Variants in PRDM6 observed in about 807,000 individuals in gnomAD.
The protein encoded by PRDM6 is PR/SET domain 6.
PRDM6 carries 25 observed loss-of-function variants against 60.8 expected under a neutral mutation model. That is an observed-to-expected ratio of 0.41 (90% CI 0.30 to 0.57). The LOEUF (loss-of-function observed/expected upper bound fraction) is 0.57, where lower values mean the gene tolerates loss of function less well. PRDM6 is among the 20% of genes least tolerant of loss of function. The pLI is 0.27. For missense variants in PRDM6, 839 were observed against 821.3 expected (o/e 1.02, Z -0.26); for synonymous variants, 407 against 357.4 (o/e 1.14, Z -1.57).
At chr5:123,173,839 C>T (rs529936248) in intron 6 of PRDM6, among the ~76,000 whole-genome samples, 13 of 152,214 alleles carry the variant, frequency 8.5e-5, no homozygotes, top group African/African-American at 1.9e-4. Flanking sequence ...ATTTCTGTTC[C>T]GGAACCCAGT....
At chr5:123,105,761 T>G (rs563882274) in intron 3 of PRDM6, among the ~76,000 whole-genome samples, 3 of 152,366 alleles carry the variant, frequency 2.0e-5, no homozygotes, top group Admixed American at 6.5e-5. Context: ...CTTGTATATT[T>G]ACACAGGAAA....
In PRDM6 at chr5:123,113,369, C is replaced by T. The variant is rs141147580; in HGVS notation, c.900+13408C>T. On this transcript the variant is annotated intron_variant, in intron 3 of 7. Transcript: ENST00000407847. ...AATTCTCTTTATCTGATTGCAATAA[C>T]GAGAGCTAACATACTTAAGCTGAGA... Among the ~76,000 whole-genome samples the T allele has an allele frequency of 1.6e-3, 246 of 152,222 alleles. 1 individual carries two copies. The highest frequency in any genetic ancestry group is 2.3e-3 in the Non-Finnish European group (158 of 68,012).
intron 2 of PRDM6, among the ~76,000 whole-genome samples, chr5:123,096,852 C>A (rs546008016): frequency 6.3e-4 from 96 of 152,284 alleles, no homozygotes; most frequent in African/African-American, 2.1e-3. Flanking sequence ...TCATGCATTA[C>A]AAATATTAGA....
chr5:123,110,064 G>A (rs1465704759), intron 3 of PRDM6, among the ~76,000 whole-genome samples: 1 of 152,140 alleles, frequency 6.6e-6, no homozygotes, highest in East Asian at 1.9e-4. Context: ...ATGTGTACTT[G>A]TGAATACAGA....
Position 123,191,531 on chromosome 5 carries a change from CTT to C in PRDM6, c.*4332_*4333del, listed in dbSNP as rs2126898750. On this transcript the variant is annotated 3_prime_UTR_variant, in exon 8 of 8. Coordinates refer to ENST00000407847, the MANE Select transcript of PRDM6 (RefSeq NM_001136239.4). ...GAATTTAATTTTTATTTCCCAGAGT[CTT>C]TACTAGATCCTGACATCAGATTTTA... The C allele has an allele frequency of 6.6e-6, 1 of 152,244 alleles. No homozygotes were observed. The highest frequency in any genetic ancestry group is 2.1e-4 in the South Asian group (1 of 4,820). The allele number at this position is 152,244 out of a possible 1,614,324, so 9.4% of individuals were successfully genotyped here. A position where few individuals can be genotyped will look rare whatever the true frequency, so the allele number is the denominator to read the frequency against.
Position 123,089,990 on chromosome 5 carries a change from C to G in PRDM6, c.-15-10C>G. 6.5e-7 allele frequency: 1 copy of G among 1,535,656 alleles called. No homozygotes were observed. Among genetic ancestry groups the G allele is most frequent in the Admixed American group, 2.0e-5 (1 of 50,716 alleles). On this transcript the variant is annotated splice_polypyrimidine_tract_variant and intron_variant, in intron 1 of 7. Transcript: ENST00000407847. ...TCACGCGCCCCCTCTTCCCTGCCCT[C>G]TGCCCCCAGTTCGAGGCGCCGGACA...
intron 4 of PRDM6, among the ~76,000 whole-genome samples, chr5:123,156,942 G>A (rs557926980): frequency 3.3e-5 from 5 of 152,224 alleles, no homozygotes; most frequent in East Asian, 1.9e-4. Context: ...ATAAACAGCC[G>A]TGTTCTCTTT....
At chr5:123,153,192 C>T (rs1267458835) in intron 3 of PRDM6, among the ~76,000 whole-genome samples, 1 of 119,940 alleles carries the variant, frequency 8.3e-6, no homozygotes. Context: ...CATGCAAAAA[C>T]TGAACTACAA....
chr5:123,096,034 C>T (rs972898907), intron 2 of PRDM6, among the ~76,000 whole-genome samples: 64 of 152,202 alleles, frequency 4.2e-4, no homozygotes, highest in African/African-American at 1.5e-3. Context: ...GCCTGGCCTT[C>T]TGATGCCAGG....
At chr5:123,164,527 A>G (rs1377483757) in intron 5 of PRDM6, among the ~76,000 whole-genome samples, 1 of 152,146 alleles carries the variant, frequency 6.6e-6, no homozygotes, top group Non-Finnish European at 1.5e-5. Flanking sequence ...CCAAGAAACT[A>G]ATATAAAAAT....
rs145818846 is a variant in PRDM6, at chr5:123,099,282, AAGAG to A, written c.593-360_593-357del. 6.6e-6 allele frequency among the ~76,000 whole-genome samples: 1 copy of A among 151,118 alleles called. No individual in the cohort carries two copies. The highest frequency in any genetic ancestry group is 2.4e-5 in the African/African-American group (1 of 41,234). ...TCAGAAGGAACGAGAGACAGTAGGG[AAGAG>A]AGAGAGAGAGACAGAGACAGAGGGA... is the stretch of plus-strand genomic sequence containing the variant. On this transcript the variant is annotated intron_variant, in intron 2 of 7. Coordinates refer to ENST00000407847, the MANE Select transcript of PRDM6 (RefSeq NM_001136239.4). This position sits in a 1 kb window ranked among gnomAD's most constrained non-coding sequence, Gnocchi z 4.0.
At chr5:123,121,209 C>T (rs569454486) in intron 3 of PRDM6, among the ~76,000 whole-genome samples, 1 of 152,168 alleles carries the variant, frequency 6.6e-6, no homozygotes, top group South Asian at 2.1e-4. Flanking sequence ...GCTTTTTTTA[C>T]CTATGTTTTT....
Position 123,150,883 on chromosome 5 carries a change from T to C in PRDM6, c.901-5001T>C, listed in dbSNP as rs78409937. Among the ~76,000 whole-genome samples the C allele has an allele frequency of 8.4e-3, 1,273 of 152,316 alleles. 25 individuals are homozygous for C. Among genetic ancestry groups the C allele is most frequent in the African/African-American group, 0.029 (1,209 of 41,568 alleles). On this transcript the variant is annotated intron_variant, in intron 3 of 7. Coordinates refer to ENST00000407847, the MANE Select transcript of PRDM6 (RefSeq NM_001136239.4). ...TCCATTTTAAATCATCATATGAAAT[T>C]CACCTTTGTATTTCATAGAGTTGAA...
At chr5:123,134,749 G>T (rs1173985463) in intron 3 of PRDM6, among the ~76,000 whole-genome samples, 6 of 152,100 alleles carry the variant, frequency 3.9e-5, no homozygotes, top group African/African-American at 1.4e-4. Context: ...CTGCTAAACA[G>T]TGTGTGGTTT....
At chr5:123,155,135 C>T (rs2126872078) in intron 3 of PRDM6, among the ~76,000 whole-genome samples, 2 of 152,178 alleles carry the variant, frequency 1.3e-5, no homozygotes, top group Middle Eastern at 6.8e-3. Flanking sequence ...TTCATTTTCT[C>T]AAATGCTATC....
intron 3 of PRDM6, among the ~76,000 whole-genome samples, chr5:123,154,302 T>G (rs1315688302): frequency 6.6e-6 from 1 of 152,142 alleles, no homozygotes; most frequent in African/African-American, 2.4e-5. Context: ...AACCTAGAAA[T>G]TTAAAGAAGT....
Position 123,099,565 on chromosome 5 carries a change from T to C in PRDM6, c.593-89T>C, listed in dbSNP as rs1246749623. ...GGCTTACCCAGGCGGGCGGTGATGC[T>C]GTTGTCTCGGGAGTTTACTCAAAGA... On this transcript the variant is annotated intron_variant, in intron 2 of 7. Transcript: ENST00000407847. The surrounding 1 kb of genome is among the most constrained non-coding windows in gnomAD (Gnocchi z 4.0). 2 of 1,243,510 alleles carry C rather than the reference T, an allele frequency of 1.6e-6. No individual in the cohort carries two copies. The highest frequency in any genetic ancestry group is 2.1e-6 in the Non-Finnish European group (2 of 933,308). 77.0% of individuals were successfully genotyped at this position (1,243,510 alleles called of 1,614,324 possible).
chr5:123,097,084 T>C (rs1420609607), intron 2 of PRDM6, among the ~76,000 whole-genome samples: 2 of 152,362 alleles, frequency 1.3e-5, no homozygotes, highest in Non-Finnish European at 2.9e-5. Flanking sequence ...TCTATTTCCA[T>C]GGGCATATTG....
At chr5:123,094,341 G>A (rs527703822) in intron 2 of PRDM6, among the ~76,000 whole-genome samples, 2 of 152,046 alleles carry the variant, frequency 1.3e-5, no homozygotes, top group African/African-American at 4.8e-5. Context: ...TCTGCCCTGC[G>A]CCTCCTCTGT....
Sources: allele counts gnomAD v4.1 joint callset (sites outside exome capture counted in the v4.1 genomes callset), GRCh38; gene constraint gnomAD v4.1.1; non-coding constraint Gnocchi (gnomAD v3.1); transcripts MANE v1.5; gene names NCBI Gene and HGNC (gene_info 2026-07-23, HGNC 2026-07-21).